PLD5: variants seen among roughly 807,000 people sequenced by gnomAD.
PLD5 encodes the protein phospholipase D family member 5.
A neutral mutation model predicts 61.1 loss-of-function variants in PLD5; 36 were observed. The ratio of observed to expected loss-of-function variants is 0.59; its 90% CI spans 0.45 to 0.78. PLD5 has a LOEUF of 0.78. Among genes scored for constraint, PLD5 ranks in the 30% least tolerant of loss-of-function variants. PLD5 has a pLI of 0.00. For missense variants in PLD5, 515 were observed against 644.4 expected (o/e 0.80, Z 2.17); for synonymous variants, 243 against 242.8 (o/e 1.00, Z -0.01).
At chr1:242,507,042 G>C (rs1413417523) in intron 1 of PLD5, among the ~76,000 whole-genome samples, 2 of 152,174 alleles carry the variant, frequency 1.3e-5, no homozygotes, top group Non-Finnish European at 2.9e-5. Context: ...TCCTTGGCAA[G>C]AGTACCATTT....
chr1:242,139,528 C>T (rs1664003465), intron 5 of PLD5, among the ~76,000 whole-genome samples: 1 of 151,984 alleles, frequency 6.6e-6, no homozygotes, highest in Non-Finnish European at 1.5e-5. Context: ...TCTCAGTGGT[C>T]GAGGGAGACC....
chr1:242,164,004 CAA>C (rs1482304563), intron 5 of PLD5, among the ~76,000 whole-genome samples: 2 of 151,974 alleles, frequency 1.3e-5, no homozygotes, highest in Admixed American at 6.6e-5. Flanking sequence ...TTAATTTTGG[CAA>C]AGTTAGTTTG....
chr1:242,392,437 C>T (rs899729271), intron 1 of PLD5, among the ~76,000 whole-genome samples: 5 of 152,128 alleles, frequency 3.3e-5, no homozygotes, highest in Admixed American at 1.3e-4. Flanking sequence ...GGTGAAAAGG[C>T]GAATGTAAGC....
chr1:242,420,610 G>A (rs1168844576), intron 1 of PLD5, among the ~76,000 whole-genome samples: 1 of 152,070 alleles, frequency 6.6e-6, no homozygotes, highest in African/African-American at 2.4e-5. Context: ...AGGATTGCAA[G>A]GATATATACA....
chr1:242,296,842 C>T (rs1675687261), intron 2 of PLD5, among the ~76,000 whole-genome samples: 2 of 152,172 alleles, frequency 1.3e-5, no homozygotes, highest in Non-Finnish European at 2.9e-5. Context: ...CTTACAGCCT[C>T]CTGAGTAGCT....
intron 1 of PLD5, among the ~76,000 whole-genome samples, chr1:242,520,405 T>C (rs1162598861): frequency 6.6e-6 from 1 of 152,324 alleles, no homozygotes; most frequent in East Asian, 1.9e-4. Flanking sequence ...TGTTTCATCA[T>C]GGCAAACCAG....
chr1:242,396,659 CTTTCT>C (rs901881727), intron 1 of PLD5, among the ~76,000 whole-genome samples: 13 of 120,412 alleles, frequency 1.1e-4, no homozygotes, highest in South Asian at 8.8e-4. Context: ...TATTTTCTTT[CTTTCT>C]TTTCTTTTCT....
At chr1:242,329,004 TTTTA>T (rs1659001792) in intron 2 of PLD5, among the ~76,000 whole-genome samples, 1 of 101,674 alleles carries the variant, frequency 9.8e-6, no homozygotes, top group Admixed American at 1.3e-4. Context: ...AAATTTTTTG[TTTTA>T]TTTATTTATT....
chr1:242,487,064 G>T (rs1436312588), intron 1 of PLD5, among the ~76,000 whole-genome samples: 1 of 151,544 alleles, frequency 6.6e-6, no homozygotes, highest in African/African-American at 2.4e-5. Flanking sequence ...TCTGTTGTGG[G>T]GTGGCAGCAG....
At chr1:242,148,458 T>C (rs1664696827) in intron 5 of PLD5, among the ~76,000 whole-genome samples, 1 of 151,484 alleles carries the variant, frequency 6.6e-6, no homozygotes, top group Non-Finnish European at 1.5e-5. Flanking sequence ...AAAATTGTTG[T>C]AGCTGTTCTA....
At chr1:242,512,060 T>C (rs1280290744) in intron 1 of PLD5, among the ~76,000 whole-genome samples, 1 of 151,900 alleles carries the variant, frequency 6.6e-6, no homozygotes, top group Non-Finnish European at 1.5e-5. Context: ...ATCAGTTGAG[T>C]CAGAAAGTCA....
intron 2 of PLD5, among the ~76,000 whole-genome samples, chr1:242,328,591 C>CA (rs1658973625): frequency 6.6e-6 from 1 of 152,062 alleles, no homozygotes; most frequent in African/African-American, 2.4e-5. Flanking sequence ...ATGTGGCCAT[C>CA]CTTAAAACAC....
chr1:242,198,723 A>AAAG (rs1668797456), intron 5 of PLD5, among the ~76,000 whole-genome samples: 3 of 148,740 alleles, frequency 2.0e-5, no homozygotes, highest in Non-Finnish European at 4.5e-5. Context: ...AAAAAAAAAA[A>AAAG]AGTAAAATAT....
At chr1:242,142,387 T>C (rs759361136) in intron 5 of PLD5, among the ~76,000 whole-genome samples, 14 of 152,228 alleles carry the variant, frequency 9.2e-5, no homozygotes, top group Admixed American at 2.0e-4. Flanking sequence ...ATAGTCTACA[T>C]AGATAAGAGC....
chr1:242,122,361 G>A (rs1428256583), intron 6 of PLD5, among the ~76,000 whole-genome samples: 2 of 152,164 alleles, frequency 1.3e-5, no homozygotes, highest in Admixed American at 1.3e-4. Context: ...TTATCTCCAA[G>A]GTTGAAACTG....
At chr1:242,149,465 T>C (rs563100990) in intron 5 of PLD5, among the ~76,000 whole-genome samples, 7 of 151,806 alleles carry the variant, frequency 4.6e-5, no homozygotes, top group Admixed American at 1.3e-4. Context: ...TTTTGGTATT[T>C]GGGAAATGCT....
chr1:242,267,713 C>G (rs1055459777), intron 3 of PLD5, among the ~76,000 whole-genome samples: 26 of 146,626 alleles, frequency 1.8e-4, no homozygotes, highest in African/African-American at 5.3e-4. Flanking sequence ...GACCCTGTCT[C>G]TACAAAAAGT....
intron 1 of PLD5, among the ~76,000 whole-genome samples, chr1:242,505,498 T>G (rs1668691299): frequency 6.6e-6 from 1 of 151,918 alleles, no homozygotes. Flanking sequence ...GATGAACAGA[T>G]GAAGAAAATA....
Position 242,403,426 on chromosome 1 carries a change from C to T in PLD5, c.190-55184G>A, listed in dbSNP as rs141158446. On this transcript the variant is annotated intron_variant, in intron 1 of 9. Transcript: ENST00000536534. ...GCAGCTCTCCATCTAAGGAGACAGG[C>T]GGCAGTGGCTTCAAGCTTCTCCCCA... 2.7e-3 allele frequency among the ~76,000 whole-genome samples: 404 copies of T among 151,514 alleles called. 5 individuals are homozygous for T. The highest frequency in any genetic ancestry group is 9.0e-3 in the African/African-American group (373 of 41,322).
Sources: allele counts gnomAD v4.1 joint callset (sites outside exome capture counted in the v4.1 genomes callset), GRCh38; gene constraint gnomAD v4.1.1; transcripts MANE v1.5; gene names NCBI Gene and HGNC (gene_info 2026-07-23, HGNC 2026-07-21).